TRABD2B: variants seen among roughly 807,000 people sequenced by gnomAD.
The protein encoded by TRABD2B is metalloprotease TIKI2.
A neutral mutation model predicts 40.1 loss-of-function variants in TRABD2B; 14 were observed. The observed-to-expected ratio is 0.35, with a 90% CI of 0.23 to 0.55. The LOEUF is 0.55. Ranked by LOEUF, TRABD2B falls within the 20% of genes least tolerant of loss-of-function variation. The pLI, the probability that TRABD2B is intolerant of heterozygous loss-of-function variation, is 0.90. For missense variants in TRABD2B, 541 were observed against 648.6 expected, an observed-to-expected ratio of 0.83 and a Z score of 1.80; for synonymous variants, 263 against 277.0, an observed-to-expected ratio of 0.95 and a Z score of 0.50.
intron 2 of TRABD2B, among the ~76,000 whole-genome samples, chr1:47,804,083 G>C (rs1309247897): frequency 1.3e-5 from 2 of 152,204 alleles, no homozygotes; most frequent in Admixed American, 1.3e-4. Context: ...CTCTCATTTT[G>C]TTCATGGCTG....
chr1:47,865,389 G>C (rs1446644786), intron 2 of TRABD2B, among the ~76,000 whole-genome samples: 1 of 151,916 alleles, frequency 6.6e-6, no homozygotes, highest in East Asian at 1.9e-4. Context: ...TGATTTATAG[G>C]GACTGAACTT....
intron 2 of TRABD2B, among the ~76,000 whole-genome samples, chr1:47,820,721 T>G (rs1645094924): frequency 6.6e-6 from 1 of 151,220 alleles, no homozygotes; most frequent in African/African-American, 2.4e-5. Flanking sequence ...CATCAACAGG[T>G]GGGAATAGCA....
At chr1:47,766,193 G>A (rs1644300580) in intron 6 of TRABD2B, 87 bp from the exon 7 acceptor site, 2 of 676,210 alleles carry the variant, frequency 3.0e-6, no homozygotes, top group South Asian at 3.2e-5. Context: ...ATTTTTTCAG[G>A]TCTATTTTGC....
intron 4 of TRABD2B, among the ~76,000 whole-genome samples, chr1:47,781,077 C>T (rs1017224708): frequency 1.3e-5 from 2 of 152,220 alleles, no homozygotes; most frequent in African/African-American, 2.4e-5. Context: ...CAGTCCCCGG[C>T]AGGGCGGGGT....
chr1:47,777,997 C>A (rs1644470975), intron 5 of TRABD2B, among the ~76,000 whole-genome samples: 1 of 152,144 alleles, frequency 6.6e-6, no homozygotes, highest in Admixed American at 6.5e-5. Flanking sequence ...AGGGGCATAG[C>A]CAGAGACAGC....
chr1:47,993,972 T>A, intron 2 of TRABD2B, 62 bp downstream of exon 2: 2 of 1,439,830 alleles, frequency 1.4e-6, no homozygotes, highest in Middle Eastern at 1.8e-4. Context: ...AGAAAGACAA[T>A]CAGAGAAGAG....
intron 2 of TRABD2B, among the ~76,000 whole-genome samples, chr1:47,864,327 A>G (rs79846917): frequency 2.6e-5 from 4 of 152,242 alleles, no homozygotes; most frequent in South Asian, 2.1e-4. Flanking sequence ...ACACGTGTCA[A>G]TGAAGGTTTG....
intron 2 of TRABD2B, among the ~76,000 whole-genome samples, chr1:47,833,825 C>T (rs905229841): frequency 2.0e-5 from 3 of 152,224 alleles, no homozygotes; most frequent in Non-Finnish European, 4.4e-5. Context: ...TGAAAATTCT[C>T]CCCTTCATAA....
chr1:47,994,866 G>A lies in TRABD2B; in HGVS notation c.103-269C>T, dbSNP rs1296988998. ...AAATGGGGGTGAAAGCAACTACCTCGGGTTGTTGGGAGGATTAAAAGATAC... is the reference window on the plus strand; with the variant it reads ...AAATGGGGGTGAAAGCAACTACCTCAGGTTGTTGGGAGGATTAAAAGATAC... On this transcript the variant is annotated intron_variant, in intron 1 of 6. Coordinates refer to ENST00000606738, the MANE Select transcript of TRABD2B (RefSeq NM_001194986.2). This position sits in a 1 kb window ranked among gnomAD's most constrained non-coding sequence, Gnocchi z 6.7. Among the ~76,000 whole-genome samples the A allele has an allele frequency of 6.6e-6, 1 of 152,116 alleles. No individual in the cohort carries two copies. Among genetic ancestry groups the A allele is most frequent in the Non-Finnish European group, 1.5e-5 (1 of 68,034 alleles).
At chr1:47,918,578 C>G (rs550136820) in intron 2 of TRABD2B, among the ~76,000 whole-genome samples, 1 of 152,280 alleles carries the variant, frequency 6.6e-6, no homozygotes, top group African/African-American at 2.4e-5. Context: ...ATGAATACCC[C>G]CTCCCTCCTT....
intron 2 of TRABD2B, among the ~76,000 whole-genome samples, chr1:47,928,336 G>T (rs1281595184): frequency 6.6e-6 from 1 of 152,194 alleles, no homozygotes; most frequent in Non-Finnish European, 1.5e-5. Flanking sequence ...CTGAACTTTG[G>T]TTTTGCCACC....
At chr1:47,965,084 T>A (rs1645578964) in intron 2 of TRABD2B, among the ~76,000 whole-genome samples, 1 of 151,306 alleles carries the variant, frequency 6.6e-6, no homozygotes, top group Admixed American at 6.6e-5. Context: ...CTCAATAGCC[T>A]TTGATTTTTC....
intron 2 of TRABD2B, among the ~76,000 whole-genome samples, chr1:47,983,541 G>C (rs1418325367): frequency 6.6e-6 from 1 of 151,934 alleles, no homozygotes; most frequent in East Asian, 1.9e-4. Context: ...TGTTATCACC[G>C]AAGTCCCCAA....
At chr1:47,775,020 A>C (rs1644424295) in intron 6 of TRABD2B, 150 bp downstream of exon 6, 2 of 633,940 alleles carry the variant, frequency 3.2e-6, no homozygotes, top group Non-Finnish European at 4.5e-6. Flanking sequence ...CTGAAAAATC[A>C]GATGGGAACG....
At chr1:47,775,533 G>C in intron 5 of TRABD2B, 94 bp from the exon 6 acceptor site, 1 of 1,199,432 alleles carries the variant, frequency 8.3e-7, no homozygotes, top group Non-Finnish European at 1.0e-6. Context: ...AGTTTGTCAT[G>C]GCAGGAGAAA....
intron 2 of TRABD2B, among the ~76,000 whole-genome samples, chr1:47,931,501 T>G (rs558845370): frequency 6.6e-6 from 1 of 152,236 alleles, no homozygotes; most frequent in Non-Finnish European, 1.5e-5. Context: ...GCTGTGCCTG[T>G]TTTCTGGCCC....
At chr1:47,885,594 T>A (rs908098023) in intron 2 of TRABD2B, among the ~76,000 whole-genome samples, 5 of 152,172 alleles carry the variant, frequency 3.3e-5, no homozygotes, top group African/African-American at 7.2e-5. Flanking sequence ...TTTCTTTATG[T>A]GCTCTCCCCC....
intron 2 of TRABD2B, among the ~76,000 whole-genome samples, chr1:47,949,588 A>T (rs1234608717): frequency 6.6e-6 from 1 of 151,130 alleles, no homozygotes; most frequent in East Asian, 2.0e-4. Context: ...TTGTATTTTT[A>T]GTAGAGACAA....
intron 1 of TRABD2B, among the ~76,000 whole-genome samples, chr1:47,995,829 CCT>C (rs1181528365): frequency 6.6e-6 from 1 of 152,182 alleles, no homozygotes; most frequent in Non-Finnish European, 1.5e-5. Flanking sequence ...CAACGAGCTC[CCT>C]GTTTGTGCAC....
Sources: gnomAD v4.1 joint callset for allele counts (sites outside exome capture counted in the v4.1 genomes callset) on GRCh38, gnomAD v4.1.1 for gene constraint, Gnocchi (gnomAD v3.1) non-coding constraint, MANE v1.5 for transcripts, NCBI Gene and HGNC (gene_info 2026-07-23, HGNC 2026-07-21) for gene names.